MGA: variants seen among roughly 807,000 people sequenced by gnomAD.
MGA encodes MAX dimerization protein MGA.
MGA carries 40 observed loss-of-function variants against 261.1 expected under a neutral mutation model. That is an observed-to-expected ratio of 0.15 (90% CI 0.12 to 0.20). The LOEUF is 0.20. Ranked by LOEUF, MGA falls within the 10% of genes least tolerant of loss-of-function variation. The pLI, the probability that MGA is intolerant of heterozygous loss-of-function variation, is 1.00. For missense variants in MGA, 3,397 were observed against 3,630.5 expected, an observed-to-expected ratio of 0.94 and a Z score of 1.65; for synonymous variants, 1,302 against 1,290.6, an observed-to-expected ratio of 1.01 and a Z score of -0.19.
intron 17 of MGA, among the ~76,000 whole-genome samples, chr15:41,753,540 C>CT (rs1422895671): frequency 6.6e-6 from 1 of 152,072 alleles, no homozygotes; most frequent in African/African-American, 2.4e-5. Flanking sequence ...ACTTTGACTC[C>CT]TTTTTTGGTA....
intron 13 of MGA, 71 bp from the exon 14 acceptor site, chr15:41,739,835 C>G: frequency 7.0e-7 from 1 of 1,423,954 alleles, no homozygotes; most frequent in South Asian, 1.3e-5. Context: ...AAAAATGAAG[C>G]CCCTGTCAAG....
At chr15:41,624,040 A>T (rs1052175400) in intron 1 of MGA, among the ~76,000 whole-genome samples, 1 of 150,532 alleles carries the variant, frequency 6.6e-6, no homozygotes. Flanking sequence ...TGCTAGGATT[A>T]TAGGCGTGAG....
At position 41,749,776 on chromosome 15, in the gene MGA, C is replaced by T; in HGVS notation, c.6169C>T (p.His2057Tyr). Residue 2057 changes from histidine (H) to tyrosine (Y), a missense_variant, in exon 17 of 24, where the codon CAT becomes TAT. Transcript: ENST00000219905. ...TGAGCATTCCTGTATCACTGGGTCA[C>T]ATACAGATCAAGATTATAAAGATGT... 2 of 1,613,902 alleles carry T rather than the reference C, an allele frequency of 1.2e-6. No homozygotes were observed. Among genetic ancestry groups the T allele is most frequent in the Non-Finnish European group, 1.7e-6 (2 of 1,179,868 alleles).
chr15:41,751,103 C>T (rs1203316025), intron 17 of MGA: 3 of 152,258 alleles, frequency 2.0e-5, no homozygotes, highest in African/African-American at 7.2e-5. Context: ...TACCATTTTG[C>T]CTTGAGTTGC....
In MGA at chr15:41,735,159, G is replaced by A. The variant is rs147845977; in HGVS notation, c.3916+565G>A. On this transcript the variant is annotated intron_variant, in intron 12 of 23. Transcript: ENST00000219905. ...TAACAATGTTTCTATAGCACATTGC[G>A]GTAAGTGGAGGAGGCTACTAGGGTG... 5.9e-3 allele frequency among the ~76,000 whole-genome samples: 896 copies of A among 152,240 alleles called. 2 individuals are homozygous for A. The highest frequency in any genetic ancestry group is 9.7e-3 in the Non-Finnish European group (661 of 68,016).
upstream of MGA, among the ~76,000 whole-genome samples, chr15:41,656,590 G>C (rs190907606): frequency 3.3e-5 from 5 of 151,788 alleles, no homozygotes; most frequent in African/African-American, 1.2e-4. Flanking sequence ...AAACTCCTGA[G>C]CTCAAACAGT....
chr15:41,691,912 TC>T (rs1329761388), intron 2 of MGA, among the ~76,000 whole-genome samples: 3 of 152,092 alleles, frequency 2.0e-5, no homozygotes, highest in Non-Finnish European at 4.4e-5. Context: ...TTTTTTTTTT[TC>T]CTTCTATTCG....
chr15:41,623,234 T>C (rs1162938340), intron 1 of MGA, among the ~76,000 whole-genome samples: 1 of 152,132 alleles, frequency 6.6e-6, no homozygotes, highest in Non-Finnish European at 1.5e-5. Context: ...AAGAGAAGAA[T>C]GAGGAAAGGA....
In MGA at chr15:41,767,230, G is replaced by A. The variant is rs534951059; in HGVS notation, c.9148G>A (p.Val3050Met). Residue 3050 changes from valine (V) to methionine (M), a missense_variant, in exon 24 of 24, where the codon GTG becomes ATG. By Grantham distance (21) the Val-to-Met change is conservative. Transcript: ENST00000219905. ...GGTGATGCCTACATTGGCACCTGTT[G>A]TGGCTAAATTGGGCAACTCGGGGGC... 5.6e-6 allele frequency: 9 copies of A among 1,613,864 alleles called. No individual in the cohort carries two copies. The Admixed American group carries it at 8.3e-5, about 15-fold the overall frequency.
intron 1 of MGA, among the ~76,000 whole-genome samples, chr15:41,640,666 A>C (rs1034912751): frequency 3.9e-5 from 6 of 151,914 alleles, no homozygotes; most frequent in Non-Finnish European, 8.8e-5. Flanking sequence ...TTACAGGCAT[A>C]CGCCACCACA....
Position 41,762,324 on chromosome 15 carries a change from A to G in MGA, c.7706A>G (p.Lys2569Arg), listed in dbSNP as rs760345429. 1 of 1,613,736 alleles carries G rather than the reference A, an allele frequency of 6.2e-7. No homozygotes were observed. Among genetic ancestry groups the G allele is most frequent in the African/African-American group, 1.3e-5 (1 of 74,872 alleles). ...ATGTTTATAAATAACAGGAGGGGGA[A>G]ACCTTTGATTCTTTCCAGAAAAAAA... The change falls in exon 22 of 24, where the codon AAA (lysine) becomes AGA (arginine). Residue 2569 changes from lysine (K) to arginine (R), a missense_variant. This residue lies in a region of MGA where 647 missense variants were observed against 642.4 expected (regional missense o/e 1.01). Coordinates refer to ENST00000219905, the MANE Select transcript of MGA (RefSeq NM_001164273.2).
At chr15:41,722,026 A>G (rs138373333) in intron 9 of MGA, among the ~76,000 whole-genome samples, 5,037 of 152,254 alleles carry the variant, frequency 0.033, 131 homozygotes, top group South Asian at 0.07. Context: ...GTGTTTCAGC[A>G]TAGATGAATT....
At chr15:41,649,350 C>T (rs1242542589) in intron 1 of MGA, among the ~76,000 whole-genome samples, 1 of 148,580 alleles carries the variant, frequency 6.7e-6, no homozygotes, top group Non-Finnish European at 1.5e-5. Context: ...CCACTGCACT[C>T]CAGCCTGGAC....
At chr15:41,733,131 A>G (rs931312766) in intron 11 of MGA, among the ~76,000 whole-genome samples, 3 of 152,000 alleles carry the variant, frequency 2.0e-5, no homozygotes, top group South Asian at 2.1e-4. Flanking sequence ...GCTAATTTCT[A>G]TGCTTTAGTT....
chr15:41,674,247 A>G (rs1353332552), intron 2 of MGA, among the ~76,000 whole-genome samples: 1 of 151,692 alleles, frequency 6.6e-6, no homozygotes, highest in Non-Finnish European at 1.5e-5. Flanking sequence ...CCTCAGCTGG[A>G]ATATAGTGGC....
At chr15:41,719,766 T>G (rs1185146790) in intron 9 of MGA, among the ~76,000 whole-genome samples, 1 of 152,052 alleles carries the variant, frequency 6.6e-6, no homozygotes, top group Non-Finnish European at 1.5e-5. Context: ...ATGTTCTATA[T>G]TATGGTGACA....
intron 1 of MGA, among the ~76,000 whole-genome samples, chr15:41,633,524 A>G (rs939975567): frequency 1.3e-5 from 2 of 152,098 alleles, no homozygotes; most frequent in African/African-American, 4.8e-5. Context: ...AAAAAAATAA[A>G]GCAGGGAAGA....
chr15:41,762,123 T>G lies in MGA; in HGVS notation c.7511-6T>G. ...GAAAGTGCTAATGTATTCTGTTAAC[T>G]TACAGGTAAGACAGAAGAAGTGGTC... On this transcript the variant is annotated splice_polypyrimidine_tract_variant and splice_region_variant and intron_variant, in intron 21 of 23. Coordinates refer to ENST00000219905, the MANE Select transcript of MGA (RefSeq NM_001164273.2). 1.2e-6 allele frequency: 2 copies of G among 1,602,766 alleles called. No homozygotes were observed. The highest frequency in any genetic ancestry group is 1.7e-6 in the Non-Finnish European group (2 of 1,171,324).
intron 1 of MGA, among the ~76,000 whole-genome samples, chr15:41,633,338 A>G (rs1361462702): frequency 7.0e-6 from 1 of 142,402 alleles, no homozygotes; most frequent in Non-Finnish European, 1.5e-5. Flanking sequence ...TCTTCCTGAC[A>G]TTGCCCTCCT....
Sources: gnomAD v4.1 joint callset for allele counts (sites outside exome capture counted in the v4.1 genomes callset) on GRCh38, gnomAD v4.1.1 for gene constraint, gnomAD v4.1.1 regional missense constraint, MANE v1.5 for transcripts, NCBI Gene and HGNC (gene_info 2026-07-23, HGNC 2026-07-21) for gene names.